The following CEACAM8 variants were observed in gnomAD, a reference collection of about 807,000 sequenced individuals.
The protein encoded by CEACAM8 is CEA cell adhesion molecule 8, also known as cell adhesion molecule CEACAM8.
Under a neutral mutation model 33.4 loss-of-function variants are expected in CEACAM8, and 31 were observed. The ratio of observed to expected loss-of-function variants is 0.93; its 90% confidence interval spans 0.70 to 1.25. The LOEUF is 1.25. Ranked by LOEUF, CEACAM8 falls within the 50% of genes most tolerant of loss-of-function variation. The probability of loss-of-function intolerance (pLI) is 0.00; values close to 1 mark genes in which losing one functional copy is unlikely to be tolerated. For missense variants in CEACAM8, 388 were observed against 434.6 expected (o/e 0.89, Z 0.95); for synonymous variants, 138 against 164.5 (o/e 0.84, Z 1.23).
intron 2 of CEACAM8, among the ~76,000 whole-genome samples, chr19:42,592,237 G>C (rs549156881): frequency 6.6e-6 from 1 of 152,234 alleles, no homozygotes; most frequent in African/African-American, 2.4e-5. Flanking sequence ...TCTATCCCTC[G>C]TGTTTGTGTG....
chr19:42,587,039 C>T (rs1050502205), intron 4 of CEACAM8, among the ~76,000 whole-genome samples: 4 of 152,072 alleles, frequency 2.6e-5, no homozygotes, highest in African/African-American at 9.7e-5. Context: ...TGATAGAATA[C>T]CTCAAACACA....
At position 42,593,935 on chromosome 19, in the gene CEACAM8, A is replaced by G. The variant is rs2042496360; in HGVS notation, c.65-35T>C. 4 of 1,543,088 alleles carry G rather than the reference A, an allele frequency of 2.6e-6. No homozygotes were observed. In the South Asian group the frequency reaches 5.0e-5, roughly 19 times the overall value. On this transcript the variant is annotated intron_variant, in intron 1 of 5. Coordinates refer to ENST00000244336, the MANE Select transcript of CEACAM8 (RefSeq NM_001816.4). ...GGAGAGAGCATCAAGCAATATTGCAACATATGTATTGGAGTAGAAAAATGG... is the reference window on the plus strand; with the variant it reads ...GGAGAGAGCATCAAGCAATATTGCAGCATATGTATTGGAGTAGAAAAATGG...
intron 2 of CEACAM8, among the ~76,000 whole-genome samples, chr19:42,591,019 G>C (rs866019121): frequency 1.4e-4 from 22 of 152,232 alleles, no homozygotes; most frequent in African/African-American, 4.6e-4. Context: ...GCTCCAGTGA[G>C]CATTTCTTTT....
chr19:42,587,088 AAAC>A (rs2042349281), intron 4 of CEACAM8, among the ~76,000 whole-genome samples: 1 of 152,188 alleles, frequency 6.6e-6, no homozygotes, highest in Non-Finnish European at 1.5e-5. Context: ...ACACACACAC[AAAC>A]AACAAGTGTT....
In CEACAM8 at chr19:42,594,006, T is replaced by C. The variant is rs1420146762; in HGVS notation, c.65-106A>G. 3.3e-6 allele frequency: 4 copies of C among 1,221,260 alleles called. No individual in the cohort carries two copies. In the East Asian group the frequency reaches 7.1e-5, roughly 22 times the overall value. The allele number at this position is 1,221,260 out of a possible 1,614,324, so 75.7% of individuals were successfully genotyped here. On this transcript the variant is annotated intron_variant, in intron 1 of 5. Coordinates refer to ENST00000244336, the MANE Select transcript of CEACAM8 (RefSeq NM_001816.4). The stretch of plus-strand genomic sequence containing the variant: ...GTGTGTTTTTATGTGTGTGTATGTG[T>C]GTGTGTCCTACTGAGTCAATGTCAG...
At chr19:42,591,701 A>G (rs868343928) in intron 2 of CEACAM8, among the ~76,000 whole-genome samples, 21 of 152,166 alleles carry the variant, frequency 1.4e-4, no homozygotes, top group African/African-American at 3.4e-4. Context: ...TCTTATCACA[A>G]TGGTGCCATC....
At chr19:42,585,911 C>T (rs911865764) in intron 4 of CEACAM8, among the ~76,000 whole-genome samples, 2 of 151,964 alleles carry the variant, frequency 1.3e-5, no homozygotes, top group African/African-American at 4.8e-5. Context: ...ACAAAATCAG[C>T]ATGCAAACAT....
rs976581456 is a variant in CEACAM8 at position 42,580,533 on chromosome 19, T to C, written c.*861A>G. ...ATCAAAGCCTTGGTAATATAACCAA[T>C]GTTTTAAACTATATCCCATTATAAA... On this transcript the variant is annotated 3_prime_UTR_variant, in exon 6 of 6. Coordinates refer to ENST00000244336, the MANE Select transcript of CEACAM8 (RefSeq NM_001816.4). 9.2e-5 allele frequency: 14 copies of C among 152,372 alleles called. No homozygotes were observed. Among genetic ancestry groups the C allele is most frequent in the Middle Eastern group, 3.4e-3 (1 of 294 alleles). The allele number at this position is 152,372 out of a possible 1,614,324, so 9.4% of individuals were successfully genotyped here. A position where few individuals can be genotyped will look rare whatever the true frequency, so the allele number is the denominator to read the frequency against.
At chr19:42,582,231 A>T (rs2042271744) in intron 5 of CEACAM8, among the ~76,000 whole-genome samples, 1 of 151,928 alleles carries the variant, frequency 6.6e-6, no homozygotes. Context: ...GAATTTATGG[A>T]TGGGGCTTGA....
chr19:42,590,656 A>T (rs184322783), intron 2 of CEACAM8, among the ~76,000 whole-genome samples: 1 of 152,302 alleles, frequency 6.6e-6, no homozygotes, highest in East Asian at 1.9e-4. Flanking sequence ...ACTGGACATT[A>T]TACAGAGTGA....
chr19:42,589,094 T>A (rs2042386868), intron 3 of CEACAM8, 56 bp from the exon 4 acceptor site: 2 of 1,562,826 alleles, frequency 1.3e-6, no homozygotes. Context: ...GGGAAGCTCC[T>A]GGTCTGTGGA....
chr19:42,585,637 TCATAC>T, intron 4 of CEACAM8, among the ~76,000 whole-genome samples: 1 of 152,190 alleles, frequency 6.6e-6, no homozygotes, highest in East Asian at 1.9e-4. Context: ...AAGGCTAACA[TCATAC>T]TCAATAGAGA....
At position 42,593,724 on chromosome 19, in the gene CEACAM8, C is replaced by G. The variant is rs1322812504; in HGVS notation, c.241G>C (p.Gly81Arg). 1.9e-6 allele frequency: 3 copies of G among 1,613,930 alleles called. No homozygotes were observed. In the Admixed American group the frequency reaches 5.0e-5, roughly 27 times the overall value. Residue 81 changes from glycine (G) to arginine (R), a missense_variant, in exon 2 of 6, where the codon GGA becomes CGA. Transcript: ENST00000244336. ...ETVDANRRII[G>R]YVISNQQITP... Reference sequence around the variant, plus strand: ...ATCTGTTGATTTGATATTACATATCCTATAATTCGACGGTTGGCATCCACT... The same window carrying G: ...ATCTGTTGATTTGATATTACATATCGTATAATTCGACGGTTGGCATCCACT...
chr19:42,581,920 A>AATATATATATATATATATATATATAT (rs57314008), intron 5 of CEACAM8, among the ~76,000 whole-genome samples: 2 of 25,302 alleles, frequency 7.9e-5, no homozygotes, highest in African/African-American at 3.3e-4. Flanking sequence ...AAAAAAAAAA[A>AATATATATATATATATATATATATAT]ATATATATAT....
intron 4 of CEACAM8, among the ~76,000 whole-genome samples, chr19:42,586,736 G>A (rs901601077): frequency 1.3e-5 from 2 of 152,116 alleles, no homozygotes; most frequent in African/African-American, 4.8e-5. Flanking sequence ...TGGGTAAGTT[G>A]GACTTCATGA....
chr19:42,586,543 TGA>T (rs2042340077), intron 4 of CEACAM8, among the ~76,000 whole-genome samples: 1 of 152,170 alleles, frequency 6.6e-6, no homozygotes, highest in South Asian at 2.1e-4. Context: ...TGCAGAAAGA[TGA>T]GCTGAACCTT....
chr19:42,592,330 C>T (rs532923889), intron 2 of CEACAM8, among the ~76,000 whole-genome samples: 20 of 152,156 alleles, frequency 1.3e-4, no homozygotes, highest in African/African-American at 4.1e-4. Context: ...ATAGGCTGAG[C>T]GCAGTGGCTC....
At chr19:42,585,334 C>CA (rs45540542) in intron 4 of CEACAM8, among the ~76,000 whole-genome samples, 8,549 of 112,582 alleles carry the variant, frequency 0.076, 696 homozygotes, top group African/African-American at 0.23. Context: ...AAAAAACAAA[C>CA]AAAAAAAAAA....
chr19:42,592,379 C>T (rs906344949), intron 2 of CEACAM8, among the ~76,000 whole-genome samples: 5 of 151,928 alleles, frequency 3.3e-5, no homozygotes, highest in Admixed American at 1.3e-4. Context: ...CCGAGGCAGG[C>T]GGATCATGAG....
Sources: gnomAD v4.1 joint callset for allele counts (sites outside exome capture counted in the v4.1 genomes callset) on GRCh38, gnomAD v4.1.1 for gene constraint, MANE v1.5 for transcripts, NCBI Gene and HGNC (gene_info 2026-07-23, HGNC 2026-07-21) for gene names.